TMEM242: variants seen among roughly 807,000 people sequenced by gnomAD.
TMEM242 encodes the protein UPF0463 transmembrane protein C6orf35.
A neutral mutation model predicts 18.2 loss-of-function variants in TMEM242; 10 were observed. That is an observed-to-expected ratio of 0.55 (90% CI 0.34 to 0.93). The LOEUF is 0.93. Among genes scored for constraint, TMEM242 ranks in the 40% least tolerant of loss-of-function variants. The probability of loss-of-function intolerance (pLI) is 0.02; values close to 1 mark genes in which losing one functional copy is unlikely to be tolerated. For synonymous variants in TMEM242, 57 were observed against 69.9 expected (o/e 0.81, Z 0.92); for missense variants, 186 against 175.5 (o/e 1.06, Z -0.34).
chr6:157,313,068 G>A (rs78244059), intron 3 of TMEM242, among the ~76,000 whole-genome samples: 11 of 149,222 alleles, frequency 7.4e-5, no homozygotes, highest in East Asian at 4.0e-4. Context: ...TCATCATAGG[G>A]TCCCAGTATG....
intron 2 of TMEM242, among the ~76,000 whole-genome samples, chr6:157,322,447 G>A (rs1454470674): frequency 6.6e-6 from 1 of 152,134 alleles, no homozygotes; most frequent in Non-Finnish European, 1.5e-5. Flanking sequence ...TAGATTCAAA[G>A]TCATGTTGTG....
intron 3 of TMEM242, among the ~76,000 whole-genome samples, chr6:157,316,155 C>T (rs1478348464): frequency 6.6e-6 from 1 of 152,174 alleles, no homozygotes; most frequent in African/African-American, 2.4e-5. Context: ...CATATCAGTT[C>T]CACACAGTTC....
rs1172430893 is a variant in TMEM242 at position 157,291,564 on chromosome 6, C to T, written c.*1337G>A. 1.3e-5 allele frequency: 2 copies of T among 152,238 alleles called. No homozygotes were observed. Among genetic ancestry groups the T allele is most frequent in the Non-Finnish European group, 2.9e-5 (2 of 68,050 alleles). The allele number at this position is 152,238 out of a possible 1,614,324, so 9.4% of individuals were successfully genotyped here. ...GAAAGGCAGTGAAGAGTTTTTGCTA[C>T]CCGCATTCACTGACCAATTTCACAA... On this transcript the variant is annotated 3_prime_UTR_variant, in exon 4 of 4. Transcript: ENST00000400788.
intron 3 of TMEM242, among the ~76,000 whole-genome samples, chr6:157,311,213 T>C (rs1554248659): frequency 9.3e-6 from 1 of 108,006 alleles, no homozygotes; most frequent in Non-Finnish European, 2.1e-5. Context: ...TGTCCGACTG[T>C]GCGCTCACCT....
intron 3 of TMEM242, among the ~76,000 whole-genome samples, chr6:157,312,398 T>C (rs1562384726): frequency 7.2e-6 from 1 of 139,350 alleles, no homozygotes; most frequent in African/African-American, 2.7e-5. Flanking sequence ...AGTACCGCAG[T>C]ATCCACTCAC....
intron 3 of TMEM242, among the ~76,000 whole-genome samples, chr6:157,308,785 G>T (rs2128414078): frequency 6.6e-6 from 1 of 152,258 alleles, no homozygotes; most frequent in East Asian, 1.9e-4. Context: ...CTATCAATCA[G>T]ATTGGCAAAA....
At chr6:157,321,175 T>C (rs1176552867) in intron 2 of TMEM242, among the ~76,000 whole-genome samples, 1 of 151,784 alleles carries the variant, frequency 6.6e-6, no homozygotes, top group Non-Finnish European at 1.5e-5. Context: ...GCCCAGTTAA[T>C]TCTTTTGTAT....
chr6:157,294,478 G>A (rs1554247089), intron 3 of TMEM242, among the ~76,000 whole-genome samples: 1 of 147,528 alleles, frequency 6.8e-6, no homozygotes, highest in Non-Finnish European at 1.5e-5. Flanking sequence ...AGCCTCCCAA[G>A]TAGCTGGGAC....
At chr6:157,312,860 T>A (rs1554249457) in intron 3 of TMEM242, among the ~76,000 whole-genome samples, 1 of 151,954 alleles carries the variant, frequency 6.6e-6, no homozygotes, top group African/African-American at 2.4e-5. Context: ...GGCCTCATCA[T>A]AGTGTCCCAG....
chr6:157,316,314 T>G (rs961931082), intron 3 of TMEM242, among the ~76,000 whole-genome samples: 3 of 152,350 alleles, frequency 2.0e-5, no homozygotes, highest in Middle Eastern at 3.4e-3. Flanking sequence ...GGCAAGTGAT[T>G]TAACCTCTTT....
Position 157,300,054 on chromosome 6 carries a change from A to G in TMEM242, c.328-7055T>C, listed in dbSNP as rs587774435. 2.9e-5 allele frequency: 23 copies of G among 804,346 alleles called. No individual in the cohort carries two copies. The South Asian group carries it at 3.3e-4, about 12-fold the overall frequency. The allele number at this position is 804,346 out of a possible 1,614,324, so 49.8% of individuals were successfully genotyped here. A position where few individuals can be genotyped will look rare whatever the true frequency, so the allele number is the denominator to read the frequency against. On this transcript the variant is annotated intron_variant, in intron 3 of 3. Transcript: ENST00000400788. ...GGCATGCGCGCTGCCTGACTGGGAC[A>G]CAGGGACAGGAAATTCGCTCCTGCC...
Position 157,289,340 on chromosome 6 carries a change from C to T in TMEM242, c.*3561G>A, listed in dbSNP as rs1342386918. On this transcript the variant is annotated 3_prime_UTR_variant, in exon 4 of 4. Transcript: ENST00000400788. ...CTTTCCTCTTCTATGCTCACAAAAT[C>T]GCAGCCTTGGGCAATTAATCCTGAT... 10 of 152,306 alleles carry T rather than the reference C, an allele frequency of 6.6e-5. No homozygotes were observed. The highest frequency in any genetic ancestry group is 3.4e-3 in the Middle Eastern group (1 of 294). 9.4% of individuals were successfully genotyped at this position (152,306 alleles called of 1,614,324 possible).
rs9393151 is a variant in TMEM242 at position 157,313,437 on chromosome 6, T to C, written c.327+5345A>G. 5.0e-3 allele frequency among the ~76,000 whole-genome samples: 92 copies of C among 18,446 alleles called. 9 individuals carry two copies. Among genetic ancestry groups the C allele is most frequent in the East Asian group, 0.029 (2 of 70 alleles). The allele number at this position is 18,446 out of a possible 152,430, so 12.1% of individuals were successfully genotyped here. On this transcript the variant is annotated intron_variant, in intron 3 of 3. Coordinates refer to ENST00000400788, the MANE Select transcript of TMEM242 (RefSeq NM_018452.6). ...AGTGTGCGCTCACCTGGCCTCATCA[T>C]AGTGCCCCAGTCTGCGCTCACCTGG...
Position 157,292,765 on chromosome 6 carries a change from G to T in TMEM242, c.*136C>A. 1.5e-6 allele frequency: 1 copy of T among 672,032 alleles called. No individual in the cohort carries two copies. The highest frequency in any genetic ancestry group is 2.6e-6 in the Non-Finnish European group (1 of 382,824). 41.6% of individuals were successfully genotyped at this position (672,032 alleles called of 1,614,324 possible). A position where few individuals can be genotyped will look rare whatever the true frequency, so the allele number is the denominator to read the frequency against. ...ATACTCTCCTGTGATGAGGCTGAAT[G>T]CTATCCAGTGCACTGGTTCAGTCAG... On this transcript the variant is annotated 3_prime_UTR_variant, in exon 4 of 4. Transcript: ENST00000400788.
intron 2 of TMEM242, 79 bp from the exon 3 acceptor site, chr6:157,318,998 T>C: frequency 3.5e-6 from 5 of 1,412,654 alleles, no homozygotes; most frequent in Non-Finnish European, 4.7e-6. Flanking sequence ...TGCAAATTCC[T>C]CTCTGTGCAA....
At chr6:157,310,961 T>A (rs797027139) in intron 3 of TMEM242, among the ~76,000 whole-genome samples, 1 of 238 alleles carries the variant, frequency 4.2e-3, no homozygotes, top group Non-Finnish European at 9.1e-3. Context: ...TGCACTCACC[T>A]GGCCTCATCA....
At chr6:157,309,015 CA>C (rs1554248115) in intron 3 of TMEM242, among the ~76,000 whole-genome samples, 1 of 152,140 alleles carries the variant, frequency 6.6e-6, no homozygotes, top group Non-Finnish European at 1.5e-5. Context: ...ATGCCATTGG[CA>C]GGAGACTGAT....
intron 1 of TMEM242, 145 bp downstream of exon 1, chr6:157,323,267 G>T: frequency 1.1e-6 from 1 of 905,242 alleles, no homozygotes. Context: ...TCCCTGGGCC[G>T]CCAGACTCCG....
chr6:157,310,727 CTCA>C, intron 3 of TMEM242, among the ~76,000 whole-genome samples: 1 of 152,080 alleles, frequency 6.6e-6, no homozygotes, highest in Non-Finnish European at 1.5e-5. Context: ...CTCAGCTAGC[CTCA>C]TCATAGTGTC....
Sources: allele counts gnomAD v4.1 joint callset (sites outside exome capture counted in the v4.1 genomes callset), GRCh38; gene constraint gnomAD v4.1.1; transcripts MANE v1.5; gene names NCBI Gene and HGNC (gene_info 2026-07-23, HGNC 2026-07-21).